Variants in TOP3A observed in about 807,000 individuals in gnomAD.
The protein encoded by TOP3A is DNA topoisomerase 3-alpha.
TOP3A carries 64 observed loss-of-function variants against 111.3 expected under a neutral mutation model. That is an observed-to-expected ratio of 0.57 (90% CI 0.47 to 0.71). TOP3A has a LOEUF of 0.71. TOP3A is among the 30% of genes least tolerant of loss of function. The probability of loss-of-function intolerance (pLI) is 0.00; values close to 1 mark genes in which losing one functional copy is unlikely to be tolerated. For missense variants in TOP3A, 1,104 were observed against 1,285.0 expected (o/e 0.86, Z 2.15); for synonymous variants, 484 against 485.1 (o/e 1.00, Z 0.03).
In TOP3A at chr17:18,273,767, T is replaced by C. The variant is rs1979146683; in HGVS notation, c.*1035A>G. The stretch of plus-strand genomic sequence containing the variant: ...ACTTCAGCCTCCTGAGCAGCTGAAC[T>C]AAAGACGTGTACAACTGTGCTTGTT... On this transcript the variant is annotated 3_prime_UTR_variant, in exon 19 of 19. Transcript: ENST00000321105. 6.6e-6 allele frequency among the ~76,000 whole-genome samples: 1 copy of C among 152,004 alleles called. No homozygotes were observed. The highest frequency in any genetic ancestry group is 2.4e-5 in the African/African-American group (1 of 41,370).
At position 18,274,746 on chromosome 17, in the gene TOP3A, T is replaced by G. The variant is rs1979221696; in HGVS notation, c.*56A>C. ...GCCACTTGGTCCTGGTTAACTCATT[T>G]CTAAACACAAAGGGGACAGGTCTGA... On this transcript the variant is annotated 3_prime_UTR_variant, in exon 19 of 19. Transcript: ENST00000321105. 1 of 1,565,982 alleles carries G rather than the reference T, an allele frequency of 6.4e-7. No individual in the cohort carries two copies. The highest frequency in any genetic ancestry group is 1.2e-5 in the South Asian group (1 of 85,560).
intron 15 of TOP3A, among the ~76,000 whole-genome samples, chr17:18,283,393 A>G (rs1164756713): frequency 6.6e-6 from 1 of 152,112 alleles, no homozygotes; most frequent in Non-Finnish European, 1.5e-5. Context: ...AAAACTGCAC[A>G]GGGTCCATGT....
chr17:18,281,219 C>A (rs1011154288), intron 16 of TOP3A, among the ~76,000 whole-genome samples: 6 of 152,110 alleles, frequency 3.9e-5, no homozygotes, highest in Non-Finnish European at 7.3e-5. Context: ...AGCTAATATG[C>A]ATGTGATTTA....
intron 13 of TOP3A, 35 bp from the exon 14 acceptor site, chr17:18,285,555 C>T (rs748768185): frequency 1.3e-6 from 2 of 1,591,914 alleles, no homozygotes; most frequent in East Asian, 2.2e-5. Context: ...TGAGGTAATA[C>T]AGACAACAGC....
At chr17:18,284,586 A>G (rs149522834) in intron 15 of TOP3A, among the ~76,000 whole-genome samples, 4 of 152,258 alleles carry the variant, frequency 2.6e-5, no homozygotes, top group Non-Finnish European at 5.9e-5. Context: ...CCAAATATAT[A>G]TATCTTATTA....
intron 3 of TOP3A, among the ~76,000 whole-genome samples, chr17:18,307,930 A>C (rs4493119): frequency 7.4e-6 from 1 of 135,812 alleles, no homozygotes; most frequent in African/African-American, 2.9e-5. Flanking sequence ...AAAAAAAAAA[A>C]CCGGGCATGG....
chr17:18,311,210 C>T (rs1488584451), intron 1 of TOP3A, among the ~76,000 whole-genome samples: 1 of 152,026 alleles, frequency 6.6e-6, no homozygotes, highest in African/African-American at 2.4e-5. Context: ...CCGTGTTAGC[C>T]AGGATGGTCT....
At chr17:18,286,417 G>A (rs1222041279) in intron 13 of TOP3A, among the ~76,000 whole-genome samples, 3 of 152,024 alleles carry the variant, frequency 2.0e-5, no homozygotes, top group Non-Finnish European at 4.4e-5. Flanking sequence ...TCAGGAGGCT[G>A]ACACAGAAGA....
chr17:18,277,963 GGAA>G lies in TOP3A; in HGVS notation c.2536_2538del (p.Phe846del), dbSNP rs752115955. 1 of 1,614,050 alleles carries G rather than the reference GGAA, an allele frequency of 6.2e-7. No individual in the cohort carries two copies. Among genetic ancestry groups the G allele is most frequent in the Non-Finnish European group, 8.5e-7 (1 of 1,180,044 alleles). On this transcript the variant is annotated inframe_deletion, in exon 18 of 19. Transcript: ENST00000321105. ...CCCGGATTGGGGCTGTCTGCCCACA[GGAA>G]GAAGTTGCAGCTACCTCCGTTGCAC...
intron 13 of TOP3A, among the ~76,000 whole-genome samples, chr17:18,285,734 G>A (rs1980054175): frequency 6.6e-6 from 1 of 152,178 alleles, no homozygotes; most frequent in African/African-American, 2.4e-5. Context: ...CAGGAAAGCT[G>A]TCAATTCCAG....
intron 8 of TOP3A, among the ~76,000 whole-genome samples, chr17:18,301,620 T>C (rs187762296): frequency 7.9e-5 from 12 of 152,392 alleles, no homozygotes; most frequent in Non-Finnish European, 1.3e-4. Flanking sequence ...TGCTAATTTC[T>C]GGTGATAGTA....
chr17:18,292,075 G>A (rs185838859), intron 11 of TOP3A, among the ~76,000 whole-genome samples: 68 of 152,300 alleles, frequency 4.5e-4, no homozygotes, highest in African/African-American at 1.6e-3. Flanking sequence ...AAAAGACTAA[G>A]ATTTCCCCAG....
chr17:18,280,738 C>G (rs1979708775), intron 16 of TOP3A, 80 bp from the exon 17 acceptor site: 1 of 1,513,380 alleles, frequency 6.6e-7, no homozygotes, highest in Admixed American at 1.8e-5. Context: ...GGCAGCCTTT[C>G]CTCAGCTGCC....
In TOP3A at chr17:18,273,084, G is replaced by C. The variant is rs1272002467; in HGVS notation, c.*1718C>G. The stretch of plus-strand genomic sequence containing the variant: ...GGGCCACAACCCACACCCACTCGGA[G>C]ATGTTCCAGGAACAATCTCAGGAAC... On this transcript the variant is annotated 3_prime_UTR_variant, in exon 19 of 19. Transcript: ENST00000321105. 1 of 152,136 alleles carries C rather than the reference G, an allele frequency of 6.6e-6. No individual in the cohort carries two copies. Among genetic ancestry groups the C allele is most frequent in the African/African-American group, 2.4e-5 (1 of 41,412 alleles). The allele number at this position is 152,136 out of a possible 1,614,324, so 9.4% of individuals were successfully genotyped here.
intron 1 of TOP3A, among the ~76,000 whole-genome samples, chr17:18,310,791 A>G (rs1981862735): frequency 6.6e-6 from 1 of 152,176 alleles, no homozygotes. Context: ...TTACCACTCA[A>G]CCTACATGGC....
rs1258934588 is a variant in TOP3A at position 18,272,490 on chromosome 17, C to G, written c.*2312G>C. Among the ~76,000 whole-genome samples the G allele has an allele frequency of 6.6e-6, 1 of 152,216 alleles. No homozygotes were observed. Among genetic ancestry groups the G allele is most frequent in the Non-Finnish European group, 1.5e-5 (1 of 68,038 alleles). ...TCATACACCAATGTTCACAACAGTG[C>G]TATTCACAATAGCCAAAAAGTGGAA... is the stretch of plus-strand genomic sequence containing the variant. On this transcript the variant is annotated 3_prime_UTR_variant, in exon 19 of 19. Coordinates refer to ENST00000321105, the MANE Select transcript of TOP3A (RefSeq NM_004618.5).
chr17:18,304,034 G>A (rs1313673089), intron 5 of TOP3A, among the ~76,000 whole-genome samples: 1 of 151,974 alleles, frequency 6.6e-6, no homozygotes, highest in Non-Finnish European at 1.5e-5. Context: ...GTGCAATCTC[G>A]GCTCACTGCA....
intron 10 of TOP3A, among the ~76,000 whole-genome samples, 176 bp from the exon 11 acceptor site, chr17:18,293,028 G>A (rs1980577888): frequency 6.6e-6 from 1 of 152,214 alleles, no homozygotes; most frequent in Non-Finnish European, 1.5e-5. Context: ...ACCCCCTCAT[G>A]GGATGAAAAG....
In TOP3A at chr17:18,274,639, A is replaced by T. The variant is rs1189871239; in HGVS notation, c.*163T>A. On this transcript the variant is annotated 3_prime_UTR_variant, in exon 19 of 19. Transcript: ENST00000321105. ...AGCAGAGCTGGCCTGCTCCAGAGTG[A>T]TCTGGACCTTGTGCCCCTTAACACA... is the stretch of plus-strand genomic sequence containing the variant. 1 of 1,220,998 alleles carries T rather than the reference A, an allele frequency of 8.2e-7. No homozygotes were observed. The highest frequency in any genetic ancestry group is 1.5e-5 in the African/African-American group (1 of 65,572). 75.6% of individuals were successfully genotyped at this position (1,220,998 alleles called of 1,614,324 possible). A position where few individuals can be genotyped will look rare whatever the true frequency, so the allele number is the denominator to read the frequency against.
Sources: gnomAD v4.1 joint callset for allele counts (sites outside exome capture counted in the v4.1 genomes callset) on GRCh38, gnomAD v4.1.1 for gene constraint, MANE v1.5 for transcripts, NCBI Gene and HGNC (gene_info 2026-07-23, HGNC 2026-07-21) for gene names.